The following RBFOX1 variants were observed in gnomAD, a reference collection of about 807,000 sequenced individuals.
RBFOX1 encodes the protein RNA binding fox-1 homolog 1.
A neutral mutation model predicts 57.7 loss-of-function variants in RBFOX1; 8 were observed. That is an observed-to-expected ratio of 0.14 (90% CI 0.08 to 0.25). The LOEUF (loss-of-function observed/expected upper bound fraction) is 0.25, where lower values mean the gene tolerates loss of function less well. Among genes scored for constraint, RBFOX1 ranks in the 10% least tolerant of loss-of-function variants. RBFOX1 has a pLI of 1.00. For synonymous variants in RBFOX1, 326 were observed against 222.4 expected, an observed-to-expected ratio of 1.47 and a Z score of -4.15; for missense variants, 611 against 548.5, an observed-to-expected ratio of 1.11 and a Z score of -1.14.
intron 3 of RBFOX1, among the ~76,000 whole-genome samples, chr16:6,978,562 C>A (rs1430422213): frequency 1.3e-5 from 2 of 150,780 alleles, no homozygotes; most frequent in Admixed American, 6.6e-5. Context: ...AGTCATAGAG[C>A]CCCTTTCTCC....
intron 3 of RBFOX1, among the ~76,000 whole-genome samples, chr16:5,722,403 A>G (rs1196190551): frequency 2.0e-5 from 3 of 152,152 alleles, no homozygotes; most frequent in Non-Finnish European, 2.9e-5. Flanking sequence ...TTATATTTGA[A>G]AGTCATTAGT....
chr16:6,341,797 G>C (rs1203239580), intron 2 of RBFOX1, among the ~76,000 whole-genome samples: 1 of 152,034 alleles, frequency 6.6e-6, no homozygotes, highest in Non-Finnish European at 1.5e-5. Context: ...TTTGCATTGT[G>C]GGCTCTCCCT....
chr16:6,361,369 C>G (rs1568017560), intron 2 of RBFOX1, among the ~76,000 whole-genome samples: 2 of 152,058 alleles, frequency 1.3e-5, no homozygotes, highest in Admixed American at 6.6e-5. Flanking sequence ...GTGGCTCACA[C>G]CTGTAATCCT....
At chr16:5,511,262 T>C (rs1307820181) in intron 2 of RBFOX1, among the ~76,000 whole-genome samples, 1 of 152,234 alleles carries the variant, frequency 6.6e-6, no homozygotes. Flanking sequence ...ATGCTTGACG[T>C]GACTTCAGAG....
At position 7,198,779 on chromosome 16, in the gene RBFOX1, C is replaced by A. The variant is rs1326318887; in HGVS notation, c.27+146681C>A. ...CGTAATCTAATCACCTCTTACTGGG[C>A]CTCACCTCCCAACACTGTTGCAATG... On this transcript the variant is annotated intron_variant, in intron 4 of 15. Coordinates refer to ENST00000550418, the MANE Select transcript of RBFOX1 (RefSeq NM_018723.4). Among the ~76,000 whole-genome samples the A allele has an allele frequency of 2.6e-5, 4 of 152,174 alleles. No individual in the cohort carries two copies. The East Asian group carries it at 5.8e-4, about 22-fold the overall frequency.
At chr16:6,219,511 C>G (rs752098185) in intron 1 of RBFOX1, among the ~76,000 whole-genome samples, 1 of 152,118 alleles carries the variant, frequency 6.6e-6, no homozygotes, top group Non-Finnish European at 1.5e-5. Flanking sequence ...CAGTCGTGGT[C>G]TTTTCCAAGG....
intron 4 of RBFOX1, among the ~76,000 whole-genome samples, chr16:7,200,457 T>C (rs1162834323): frequency 1.3e-5 from 2 of 152,212 alleles, no homozygotes; most frequent in Non-Finnish European, 1.5e-5. Flanking sequence ...CCTCTATTTA[T>C]GGTGTGCCTG....
chr16:6,382,333 T>G (rs993445094), intron 2 of RBFOX1, among the ~76,000 whole-genome samples: 1 of 152,198 alleles, frequency 6.6e-6, no homozygotes, highest in African/African-American at 2.4e-5. Context: ...TCATTTCATA[T>G]TGTGGAAGAA....
intron 1 of RBFOX1, among the ~76,000 whole-genome samples, chr16:6,036,493 A>G (rs1347538619): frequency 6.6e-6 from 1 of 152,090 alleles, no homozygotes; most frequent in African/African-American, 2.4e-5. Flanking sequence ...TGATGAACCT[A>G]TATGCAAATA....
At chr16:6,597,336 T>C (rs1388698667) in intron 2 of RBFOX1, among the ~76,000 whole-genome samples, 2 of 152,080 alleles carry the variant, frequency 1.3e-5, no homozygotes, top group Non-Finnish European at 1.5e-5. Flanking sequence ...GTCTCCATTA[T>C]CCATCTGGAT....
chr16:6,864,693 T>C (rs2059603646), intron 3 of RBFOX1, among the ~76,000 whole-genome samples: 1 of 152,068 alleles, frequency 6.6e-6, no homozygotes, highest in South Asian at 2.1e-4. Context: ...AGCCTTTCAA[T>C]AATGCATGGA....
rs1392908477 is a variant in RBFOX1, at chr16:7,367,887, C to CACACACACAG, written c.28-150251_28-150250insGACACACACA. Among the ~76,000 whole-genome samples, 509 of 130,914 alleles carry CACACACACAG rather than the reference C, an allele frequency of 3.9e-3. 2 individuals carry two copies. The highest frequency in any genetic ancestry group is 6.3e-3 in the Admixed American group (84 of 13,384). The allele number at this position is 130,914 out of a possible 152,430, so 85.9% of individuals were successfully genotyped here. On this transcript the variant is annotated intron_variant, in intron 4 of 15. Transcript: ENST00000550418. ...GAGCACGTGCACACATGCGTGCATACACACACACACACACACACACACACA... is the reference window on the plus strand; with the variant it reads ...GAGCACGTGCACACATGCGTGCATACACACACACAGACACACACACACACACACACACACA...
At chr16:7,382,586 C>A (rs2097797788) in intron 4 of RBFOX1, among the ~76,000 whole-genome samples, 2 of 152,176 alleles carry the variant, frequency 1.3e-5, no homozygotes, top group Admixed American at 1.3e-4. Context: ...AGTGAAGATA[C>A]ACATTTTAAG....
At chr16:6,831,584 C>A (rs939156817) in intron 3 of RBFOX1, among the ~76,000 whole-genome samples, 1 of 152,100 alleles carries the variant, frequency 6.6e-6, no homozygotes, top group African/African-American at 2.4e-5. Flanking sequence ...TTGAGTAACT[C>A]AAAAATATTT....
At chr16:5,776,582 T>C (rs1317790525) in intron 3 of RBFOX1, among the ~76,000 whole-genome samples, 1 of 152,218 alleles carries the variant, frequency 6.6e-6, no homozygotes, top group Non-Finnish European at 1.5e-5. Flanking sequence ...TTTTAGGCAG[T>C]CTTTTATTAT....
chr16:6,780,486 A>ATATACATT (rs1362815265), intron 3 of RBFOX1, among the ~76,000 whole-genome samples: 1 of 91,294 alleles, frequency 1.1e-5, no homozygotes, highest in African/African-American at 4.1e-5. Context: ...TTTTATATAT[A>ATATACATT]TTTATATACA....
chr16:5,581,838 G>C (rs2046678098), intron 2 of RBFOX1, among the ~76,000 whole-genome samples: 1 of 152,170 alleles, frequency 6.6e-6, no homozygotes, highest in Non-Finnish European at 1.5e-5. Context: ...AAGGTGTTAG[G>C]ATATTATCTA....
chr16:6,486,986 A>T (rs149125968), intron 2 of RBFOX1, among the ~76,000 whole-genome samples: 8 of 152,294 alleles, frequency 5.3e-5, no homozygotes, highest in African/African-American at 1.9e-4. Context: ...AAACGCCTTT[A>T]AAAGTCAGCA....
intron 3 of RBFOX1, among the ~76,000 whole-genome samples, chr16:6,910,181 C>T (rs143915053): frequency 1.8e-4 from 28 of 152,112 alleles, no homozygotes; most frequent in African/African-American, 6.7e-4. Context: ...AAAAAGCAGA[C>T]TCAAGCAGAA....
Sources: allele counts gnomAD v4.1 joint callset (sites outside exome capture counted in the v4.1 genomes callset), GRCh38; gene constraint gnomAD v4.1.1; transcripts MANE v1.5; gene names NCBI Gene and HGNC (gene_info 2026-07-23, HGNC 2026-07-21).